CELSR1: variants seen among roughly 807,000 people sequenced by gnomAD.
The protein encoded by CELSR1 is cadherin EGF LAG seven-pass G-type receptor 1.
CELSR1 carries 110 observed loss-of-function variants against 249.1 expected under a neutral mutation model. That is an observed-to-expected ratio of 0.44 (90% CI 0.38 to 0.52). The LOEUF (loss-of-function observed/expected upper bound fraction) is 0.52, where lower values mean the gene tolerates loss of function less well. Among genes scored for constraint, CELSR1 ranks in the 20% least tolerant of loss-of-function variants. The probability of loss-of-function intolerance (pLI) is 0.00; values close to 1 mark genes in which losing one functional copy is unlikely to be tolerated. For missense variants in CELSR1, 4,109 were observed against 4,296.4 expected, an observed-to-expected ratio of 0.96 and a Z score of 1.22; for synonymous variants, 2,113 against 1,900.0, an observed-to-expected ratio of 1.11 and a Z score of -2.92.
In CELSR1 at chr22:46,436,740, C is replaced by T. The variant is rs2079666658; in HGVS notation, c.4407-451G>A. 6.6e-6 allele frequency among the ~76,000 whole-genome samples: 1 copy of T among 151,924 alleles called. No individual in the cohort carries two copies. ...CCATTCTTATGGCCTCTCCCCCCGG[C>T]ACTCAGCCACAATAGCATCTTTTGG... On this transcript the variant is annotated intron_variant, in intron 3 of 34. Transcript: ENST00000674500. The surrounding 1 kb of genome is among the most constrained non-coding windows in gnomAD (Gnocchi z 5.9).
chr22:46,493,194 G>A (rs1296892560), intron 1 of CELSR1, among the ~76,000 whole-genome samples: 3 of 152,042 alleles, frequency 2.0e-5, no homozygotes, highest in South Asian at 2.1e-4. Flanking sequence ...AGGCTGCAAT[G>A]AGCCATGATG....
intron 2 of CELSR1, among the ~76,000 whole-genome samples, chr22:46,457,405 T>A (rs2079968828): frequency 6.6e-6 from 1 of 151,890 alleles, no homozygotes; most frequent in East Asian, 1.9e-4. Flanking sequence ...TGATCAAGAA[T>A]AAACTCAACC....
chr22:46,391,402 C>T lies in CELSR1; in HGVS notation c.6149-115G>A, dbSNP rs914362974. On this transcript the variant is annotated intron_variant, in intron 15 of 34. Transcript: ENST00000674500. This position sits in a 1 kb window ranked among gnomAD's most constrained non-coding sequence, Gnocchi z 4.3. ...AGGAGGCCCTGCTCCCACCAAGAAC[C>T]GAACCCTAGCATCTCCCCTGCCCCC... is the stretch of plus-strand genomic sequence containing the variant. 28 of 991,738 alleles carry T rather than the reference C, an allele frequency of 2.8e-5. No individual in the cohort carries two copies. The African/African-American group carries it at 2.9e-4, about 10-fold the overall frequency. The allele number at this position is 991,738 out of a possible 1,614,324, so 61.4% of individuals were successfully genotyped here.
chr22:46,515,023 A>T (rs1406793261), intron 1 of CELSR1, among the ~76,000 whole-genome samples: 1 of 152,144 alleles, frequency 6.6e-6, no homozygotes, highest in Non-Finnish European at 1.5e-5. Flanking sequence ...AGTCCTCGCC[A>T]GCCCCTTCTA....
At chr22:46,372,856 A>G (rs1038975233) in intron 25 of CELSR1, 27 bp downstream of exon 25, 1 of 1,576,768 alleles carries the variant, frequency 6.3e-7, no homozygotes, top group African/African-American at 1.3e-5. Flanking sequence ...CTGTGGTTTT[A>G]TGCAGGGCCA....
intron 1 of CELSR1, among the ~76,000 whole-genome samples, chr22:46,483,620 G>A (rs1406694523): frequency 6.6e-6 from 1 of 152,086 alleles, no homozygotes; most frequent in Non-Finnish European, 1.5e-5. Context: ...AGGATTGCAA[G>A]AGCTACGTAA....
intron 2 of CELSR1, among the ~76,000 whole-genome samples, chr22:46,449,399 T>C (rs552832967): frequency 7.0e-6 from 1 of 142,818 alleles, no homozygotes. Flanking sequence ...CCATCACACA[T>C]CCATCCATCC....
At chr22:46,383,508 A>T (rs1164776652) in intron 20 of CELSR1, among the ~76,000 whole-genome samples, 5 of 152,156 alleles carry the variant, frequency 3.3e-5, no homozygotes, top group African/African-American at 1.2e-4. Flanking sequence ...TGATTCTAAA[A>T]TGCCTATTTC....
At chr22:46,376,135 GT>G (rs1294128300) in intron 24 of CELSR1, among the ~76,000 whole-genome samples, 1 of 152,052 alleles carries the variant, frequency 6.6e-6, no homozygotes, top group Non-Finnish European at 1.5e-5. Flanking sequence ...CTGTTCAAAG[GT>G]TTTTCTTTCT....
At chr22:46,369,667 A>T (rs753126582) in intron 26 of CELSR1, 25 bp downstream of exon 26, 1 of 1,597,330 alleles carries the variant, frequency 6.3e-7, no homozygotes, top group South Asian at 1.1e-5. Flanking sequence ...GGGCACCCGG[A>T]CTCCCGTGAA....
intron 1 of CELSR1, among the ~76,000 whole-genome samples, chr22:46,516,306 A>G (rs1307769484): frequency 6.6e-6 from 1 of 152,162 alleles, no homozygotes; most frequent in Non-Finnish European, 1.5e-5. Context: ...TGTCCTTTGT[A>G]AGGACATGGA....
rs952625809 is a variant in CELSR1 at position 46,408,251 on chromosome 22, C to T, written c.5226+745G>A. Among the ~76,000 whole-genome samples the T allele has an allele frequency of 6.6e-6, 1 of 152,234 alleles. No individual in the cohort carries two copies. Among genetic ancestry groups the T allele is most frequent in the African/African-American group, 2.4e-5 (1 of 41,456 alleles). Reference sequence around the variant, plus strand: ...GACAGAGAAAACAGGCAGACAGCGACAGAGCGGGGCTTTAGGCATTTCTGG... The same window carrying T: ...GACAGAGAAAACAGGCAGACAGCGATAGAGCGGGGCTTTAGGCATTTCTGG... On this transcript the variant is annotated intron_variant, in intron 9 of 34. Coordinates refer to ENST00000674500, the MANE Select transcript of CELSR1 (RefSeq NM_001378328.1). The surrounding 1 kb of genome is among the most constrained non-coding windows in gnomAD (Gnocchi z 4.6).
At chr22:46,383,886 TTC>T (rs2079004966) in intron 20 of CELSR1, among the ~76,000 whole-genome samples, 1 of 152,042 alleles carries the variant, frequency 6.6e-6, no homozygotes, top group Admixed American at 6.6e-5. Flanking sequence ...CAAATTTCAG[TTC>T]TCTTTTCTTT....
intron 1 of CELSR1, among the ~76,000 whole-genome samples, chr22:46,507,648 G>C (rs2080528206): frequency 1.3e-5 from 2 of 152,020 alleles, no homozygotes; most frequent in African/African-American, 4.8e-5. Context: ...CTCCTGCCTC[G>C]CCCGCAGTCT....
At position 46,369,200 on chromosome 22, in the gene CELSR1, TAATG is replaced by T; in HGVS notation, c.7927_7930del (p.His2643IlefsTer11). On this transcript the variant is annotated frameshift_variant, in exon 27 of 35. Transcript: ENST00000674500. LOFTEE classifies it high-confidence loss of function. The stretch of plus-strand genomic sequence containing the variant: ...TTACACGATCCCTTTTTTCCCATAA[TAATG>T]GTGCTTTCTTTGGCAGGAAACCTTT... 2 of 1,614,104 alleles carry T rather than the reference TAATG, an allele frequency of 1.2e-6. No homozygotes were observed. The highest frequency in any genetic ancestry group is 1.1e-5 in the South Asian group (1 of 91,090).
rs1412295422 is a variant in CELSR1, at chr22:46,527,808, G to A, written c.3544+5819C>T. Among the ~76,000 whole-genome samples the A allele has an allele frequency of 2.0e-5, 3 of 152,290 alleles. No homozygotes were observed. Among genetic ancestry groups the A allele is most frequent in the East Asian group, 1.9e-4 (1 of 5,176 alleles). On this transcript the variant is annotated intron_variant, in intron 1 of 34. Transcript: ENST00000674500. This position sits in a 1 kb window ranked among gnomAD's most constrained non-coding sequence, Gnocchi z 5.5. ...CCACTGAAGCAATTTAAGATGGTCC[G>A]ACCCAGGCTGGGAGCGGTGGCTCAC... is the stretch of plus-strand genomic sequence containing the variant.
intron 1 of CELSR1, among the ~76,000 whole-genome samples, chr22:46,477,871 C>G (rs959857461): frequency 6.6e-6 from 1 of 152,136 alleles, no homozygotes; most frequent in African/African-American, 2.4e-5. Flanking sequence ...GACAGGTACC[C>G]CATGGCAGCA....
intron 1 of CELSR1, among the ~76,000 whole-genome samples, chr22:46,496,785 A>G (rs1253101743): frequency 6.6e-6 from 1 of 152,108 alleles, no homozygotes; most frequent in African/African-American, 2.4e-5. Flanking sequence ...AGCTGTCACC[A>G]TCTATACTAA....
intron 1 of CELSR1, among the ~76,000 whole-genome samples, chr22:46,475,144 G>T (rs970543773): frequency 1.3e-5 from 2 of 151,998 alleles, no homozygotes; most frequent in African/African-American, 4.8e-5. Flanking sequence ...GAAATGACAA[G>T]AATTATTCTG....
Sources: allele counts gnomAD v4.1 joint callset (sites outside exome capture counted in the v4.1 genomes callset), GRCh38; gene constraint gnomAD v4.1.1; non-coding constraint Gnocchi (gnomAD v3.1); transcripts MANE v1.5; gene names NCBI Gene and HGNC (gene_info 2026-07-23, HGNC 2026-07-21).